Variants in SRGAP1 observed in about 807,000 individuals in gnomAD.
SRGAP1 encodes SLIT-ROBO Rho GTPase activating protein 1, also known as SLIT-ROBO Rho GTPase-activating protein 1.
Under a neutral mutation model 121.9 loss-of-function variants are expected in SRGAP1, and 43 were observed. That is an observed-to-expected ratio of 0.35 (90% confidence interval 0.28 to 0.46). SRGAP1 has a LOEUF of 0.46. Among genes scored for constraint, SRGAP1 ranks in the 20% least tolerant of loss-of-function variants. SRGAP1 has a pLI of 1.00. For missense variants in SRGAP1, 1,102 were observed against 1,350.9 expected (o/e 0.82, Z 2.89); for synonymous variants, 447 against 485.4 (o/e 0.92, Z 1.04).
At chr12:64,016,428 G>A (rs10878099) in intron 3 of SRGAP1, among the ~76,000 whole-genome samples, 79,183 of 151,912 alleles carry the variant, frequency 0.52, 22,663 homozygotes, top group African/African-American at 0.76. Flanking sequence ...TCAAGGTTGC[G>A]GTGAGCTGTG....
intron 4 of SRGAP1, among the ~76,000 whole-genome samples, chr12:64,035,737 G>A (rs1021302772): frequency 6.6e-6 from 1 of 152,142 alleles, no homozygotes; most frequent in Non-Finnish European, 1.5e-5. Flanking sequence ...TGCTAGCCCA[G>A]TTCTCAACAT....
Position 64,125,963 on chromosome 12 carries a change from T to G in SRGAP1, c.2225-14T>G. ...AACCCTGTTTCTCGCTGTTTTCTGG[T>G]GTGTTCGTTGTAGAATGTGAGCCAA... On this transcript the variant is annotated splice_polypyrimidine_tract_variant and intron_variant, in intron 18 of 21. Transcript: ENST00000355086. 6.2e-7 allele frequency: 1 copy of G among 1,611,888 alleles called. No individual in the cohort carries two copies. The highest frequency in any genetic ancestry group is 8.5e-7 in the Non-Finnish European group (1 of 1,178,432).
chr12:64,033,338 T>C (rs1242096803), intron 4 of SRGAP1, among the ~76,000 whole-genome samples: 1 of 152,218 alleles, frequency 6.6e-6, no homozygotes, highest in Non-Finnish European at 1.5e-5. Context: ...AGTCACAACG[T>C]ATCTCAAATT....
intron 8 of SRGAP1, among the ~76,000 whole-genome samples, chr12:64,066,665 C>G (rs193186799): frequency 6.6e-6 from 1 of 152,026 alleles, no homozygotes; most frequent in Non-Finnish European, 1.5e-5. Context: ...TCTATTATTC[C>G]GAGTAGAAAC....
chr12:64,132,165 C>G (rs562851972), intron 21 of SRGAP1, among the ~76,000 whole-genome samples: 1 of 152,306 alleles, frequency 6.6e-6, no homozygotes, highest in Admixed American at 6.5e-5. Context: ...CAGACAGAGA[C>G]TCCATCTCAA....
intron 1 of SRGAP1, among the ~76,000 whole-genome samples, chr12:63,950,495 T>C (rs1217792175): frequency 6.6e-6 from 1 of 152,162 alleles, no homozygotes; most frequent in East Asian, 1.9e-4. Flanking sequence ...TCTGGCAGGA[T>C]GATGGCTCTA....
intron 16 of SRGAP1, 138 bp downstream of exon 16, chr12:64,109,175 G>C: frequency 1.0e-5 from 5 of 481,896 alleles, no homozygotes; most frequent in Non-Finnish European, 1.7e-5. Context: ...AAAATGTACT[G>C]AAGGTACATT....
chr12:64,019,786 C>T (rs2034499662), intron 4 of SRGAP1, among the ~76,000 whole-genome samples: 1 of 152,188 alleles, frequency 6.6e-6, no homozygotes, highest in South Asian at 2.1e-4. Flanking sequence ...TTCAACCACT[C>T]ACTGGCATTT....
intron 1 of SRGAP1, among the ~76,000 whole-genome samples, chr12:63,953,654 G>A (rs531206936): frequency 4.0e-5 from 6 of 151,682 alleles, no homozygotes; most frequent in East Asian, 1.9e-4. Context: ...TGATCCTCCC[G>A]CCTCAGCCTC....
chr12:63,927,535 G>C (rs1360935941), intron 1 of SRGAP1, among the ~76,000 whole-genome samples: 1 of 152,088 alleles, frequency 6.6e-6, no homozygotes, highest in African/African-American at 2.4e-5. Flanking sequence ...CAGTCCGTTA[G>C]GTCAACATTT....
intron 1 of SRGAP1, among the ~76,000 whole-genome samples, chr12:63,886,524 C>T (rs1475667304): frequency 6.7e-6 from 1 of 148,970 alleles, no homozygotes; most frequent in East Asian, 1.9e-4. Context: ...CCTTGTCGTC[C>T]AGGCTGGAGT....
intron 1 of SRGAP1, among the ~76,000 whole-genome samples, chr12:63,935,257 G>T (rs1418013239): frequency 6.6e-6 from 1 of 152,172 alleles, no homozygotes; most frequent in African/African-American, 2.4e-5. Flanking sequence ...ATGCCTCGTG[G>T]AATTGTGCCT....
intron 1 of SRGAP1, among the ~76,000 whole-genome samples, chr12:63,882,386 A>G (rs549960473): frequency 3.2e-4 from 48 of 152,196 alleles, no homozygotes; most frequent in African/African-American, 1.0e-3. Context: ...GGTTCAAGCA[A>G]TTCTCCTGCC....
intron 3 of SRGAP1, among the ~76,000 whole-genome samples, chr12:64,009,444 G>GTCTTGAGT (rs1177428123): frequency 3.3e-5 from 5 of 152,162 alleles, no homozygotes; most frequent in African/African-American, 1.2e-4. Flanking sequence ...TTAAATCTCA[G>GTCTTGAGT]TCTTGAGTTA....
At position 64,097,290 on chromosome 12, in the gene SRGAP1, T is replaced by C. The variant is rs1565679786; in HGVS notation, c.1728T>C (p.Val576=). The C allele has an allele frequency of 7.4e-6, 12 of 1,613,378 alleles. No individual in the cohort carries two copies. The highest frequency in any genetic ancestry group is 1.0e-5 in the Non-Finnish European group (12 of 1,179,876). ...DDQSNHDINS[V]AGVLKLYFRG... is the part of the protein sequence containing the mutation. ...AGAGTAACCATGATATTAACTCAGT[T>C]GCTGGCGTTCTGAAGCTCTATTTCC... is the stretch of plus-strand genomic sequence containing the variant. Residue 576 remains valine, a synonymous_variant, in exon 15 of 22, where the codon GTT becomes GTC. Coordinates refer to ENST00000355086, the MANE Select transcript of SRGAP1 (RefSeq NM_020762.4).
intron 4 of SRGAP1, among the ~76,000 whole-genome samples, chr12:64,031,207 A>G (rs550275810): frequency 1.1e-3 from 162 of 151,434 alleles, no homozygotes; most frequent in African/African-American, 3.6e-3. Context: ...AATCCCAGCT[A>G]CTTGGGAGGC....
intron 1 of SRGAP1, among the ~76,000 whole-genome samples, chr12:63,926,652 G>C (rs1467144302): frequency 6.6e-6 from 1 of 152,162 alleles, no homozygotes; most frequent in Non-Finnish European, 1.5e-5. Flanking sequence ...ATTAAATAAA[G>C]TTAATTAACA....
intron 10 of SRGAP1, chr12:64,080,730 G>C (rs2035822563): frequency 2.9e-6 from 1 of 344,024 alleles, no homozygotes; most frequent in Non-Finnish European, 5.5e-6. Context: ...TCAGACTTCT[G>C]CACCCTTCCA....
At chr12:64,136,853 C>A (rs116823431) in intron 21 of SRGAP1, among the ~76,000 whole-genome samples, 1 of 152,124 alleles carries the variant, frequency 6.6e-6, no homozygotes, top group Non-Finnish European at 1.5e-5. Context: ...TTATAATAAG[C>A]AGGTGAAACA....
Sources: allele counts gnomAD v4.1 joint callset (sites outside exome capture counted in the v4.1 genomes callset), GRCh38; gene constraint gnomAD v4.1.1; transcripts MANE v1.5; gene names NCBI Gene and HGNC (gene_info 2026-07-23, HGNC 2026-07-21).